Variants in ARHGEF7 observed in about 807,000 individuals in gnomAD.
ARHGEF7 encodes the protein PAK-interacting exchange factor beta.
Under a neutral mutation model 109.8 loss-of-function variants are expected in ARHGEF7, and 33 were observed. The ratio of observed to expected loss-of-function variants is 0.30; its 90% CI spans 0.23 to 0.40. The LOEUF is 0.40. Ranked by LOEUF, ARHGEF7 falls within the 10% of genes least tolerant of loss-of-function variation. The pLI is 1.00. For missense variants in ARHGEF7, 938 were observed against 1,098.5 expected, an observed-to-expected ratio of 0.85 and a Z score of 2.07; for synonymous variants, 458 against 424.6, an observed-to-expected ratio of 1.08 and a Z score of -0.97.
In ARHGEF7 at chr13:111,292,103, G is replaced by A. The variant is rs375343325; in HGVS notation, c.2135-15G>A. 1.9e-5 allele frequency: 31 copies of A among 1,608,256 alleles called. No homozygotes were observed. The African/African-American group carries it at 2.9e-4, about 15-fold the overall frequency. The stretch of plus-strand genomic sequence containing the variant: ...CCCTGCCTGTCGCGCCTGTCCCTCC[G>A]CCCGCCCGTCTTAGCATGGCAAGGC... On this transcript the variant is annotated splice_polypyrimidine_tract_variant and intron_variant, in intron 18 of 21. Transcript: ENST00000646102.
intron 4 of ARHGEF7, among the ~76,000 whole-genome samples, chr13:111,216,456 G>A (rs1210305223): frequency 6.6e-6 from 1 of 152,040 alleles, no homozygotes; most frequent in African/African-American, 2.4e-5. Flanking sequence ...TGTCACTGGT[G>A]GGGATAGAGG....
chr13:111,241,255 AGCTGTGGCGTCCAG>A (rs2153540699), intron 6 of ARHGEF7: 2 of 1,536,072 alleles, frequency 1.3e-6, no homozygotes, highest in South Asian at 2.4e-5. Context: ...GGTGGGATGG[AGCTGTGGCGTCCAG>A]GCTGTGAGGT....
At position 111,300,827 on chromosome 13, in the gene ARHGEF7, T is replaced by A; in HGVS notation, c.2391T>A (p.Gly797=). ...KIIVEETKSN[G]QTVIEEKSLV... is the part of the protein sequence containing the mutation. ...TAGTGGAAGAAACTAAAAGTAATGG[T>A]CAGACAGTGATAGAAGAAAAGTAAG... is the stretch of plus-strand genomic sequence containing the variant. The change falls in exon 20 of 22, where the codon GGT becomes GGA. Residue 797 remains glycine, a synonymous_variant. Transcript: ENST00000646102. 3 of 1,604,652 alleles carry A rather than the reference T, an allele frequency of 1.9e-6. No individual in the cohort carries two copies. Among genetic ancestry groups the A allele is most frequent in the Non-Finnish European group, 2.6e-6 (3 of 1,174,068 alleles).
intron 1 of ARHGEF7, among the ~76,000 whole-genome samples, chr13:111,149,148 G>A (rs184815692): frequency 1.3e-5 from 2 of 151,810 alleles, no homozygotes; most frequent in Admixed American, 6.6e-5. Flanking sequence ...GATGGCTCAC[G>A]CCTGTAATCC....
chr13:111,140,009 T>G (rs1470655920), intron 1 of ARHGEF7, among the ~76,000 whole-genome samples: 4 of 152,270 alleles, frequency 2.6e-5, no homozygotes, highest in South Asian at 2.1e-4. Flanking sequence ...GTTCCTGTCT[T>G]AAACATCCAA....
intron 16 of ARHGEF7, 33 bp from the exon 17 acceptor site, chr13:111,286,114 A>C (rs753216774): frequency 1.7e-5 from 27 of 1,544,726 alleles, no homozygotes; most frequent in Non-Finnish European, 1.5e-5. Flanking sequence ...TTGGCTTTAG[A>C]GTATGTTAGC....
At chr13:111,287,693 G>A (rs552032890) in intron 17 of ARHGEF7, among the ~76,000 whole-genome samples, 14 of 152,002 alleles carry the variant, frequency 9.2e-5, no homozygotes, top group African/African-American at 3.4e-4. Flanking sequence ...CTCCAGGCCT[G>A]GTTGCAGAGA....
At chr13:111,248,539 T>A (rs2089274752) in intron 8 of ARHGEF7, among the ~76,000 whole-genome samples, 1 of 152,208 alleles carries the variant, frequency 6.6e-6, no homozygotes, top group Non-Finnish European at 1.5e-5. Context: ...CTGGATTTGC[T>A]CGTTGCTTTC....
At chr13:111,203,616 CT>C (rs1438209726) in intron 2 of ARHGEF7, among the ~76,000 whole-genome samples, 3 of 152,222 alleles carry the variant, frequency 2.0e-5, no homozygotes, top group Non-Finnish European at 2.9e-5. Flanking sequence ...TCCTTGTGAA[CT>C]TTAAGAAAGT....
chr13:111,158,597 G>C (rs957738409), intron 2 of ARHGEF7, among the ~76,000 whole-genome samples: 1 of 152,198 alleles, frequency 6.6e-6, no homozygotes, highest in Non-Finnish European at 1.5e-5. Flanking sequence ...ACAGAAATCT[G>C]CTCTTTTCTC....
chr13:111,115,892 G>A lies in ARHGEF7; in HGVS notation c.165+201G>A, dbSNP rs1594750694. The stretch of plus-strand genomic sequence containing the variant: ...GTGTGCGGGGCAGGGGGAGGGGGCC[G>A]GGGAGCGGGGTCGGGGGGAGGGGCG... On this transcript the variant is annotated intron_variant, in intron 1 of 21. Coordinates refer to ENST00000646102, the MANE Select transcript of ARHGEF7 (RefSeq NM_001354046.2). 4.0e-5 allele frequency among the ~76,000 whole-genome samples: 6 copies of A among 150,362 alleles called. No individual in the cohort carries two copies. In the South Asian group the frequency reaches 1.3e-3, roughly 31 times the overall value.
At chr13:111,294,707 C>G in intron 19 of ARHGEF7, 2 of 985,440 alleles carry the variant, frequency 2.0e-6, no homozygotes, top group African/African-American at 3.5e-5. Flanking sequence ...ATTGTTTCTA[C>G]TTTTGTGGGA....
rs537298527 is a variant in ARHGEF7 at position 111,150,753 on chromosome 13, G to C, written c.166-3152G>C. 5.3e-5 allele frequency among the ~76,000 whole-genome samples: 8 copies of C among 152,326 alleles called. No individual in the cohort carries two copies. The South Asian group carries it at 1.7e-3, about 32-fold the overall frequency. On this transcript the variant is annotated intron_variant, in intron 1 of 21. Transcript: ENST00000646102. Reference sequence around the variant, plus strand: ...AAAGTTCCCTCGTGTAGTGTGCCTTGAAAGTTTGTATTATGCCCTGAGGGG... The same window carrying C: ...AAAGTTCCCTCGTGTAGTGTGCCTTCAAAGTTTGTATTATGCCCTGAGGGG...
chr13:111,122,672 T>C, intron 1 of ARHGEF7: 1 of 152,262 alleles, frequency 6.6e-6, no homozygotes, highest in South Asian at 2.1e-4. Flanking sequence ...GTGTGCGTGC[T>C]AGTGACCCAA....
intron 2 of ARHGEF7, among the ~76,000 whole-genome samples, chr13:111,174,813 C>A (rs1594290835): frequency 6.6e-6 from 1 of 152,054 alleles, no homozygotes; most frequent in Non-Finnish European, 1.5e-5. Context: ...GAGGTCCTTG[C>A]AGCTCCTAGG....
rs933618757 is a variant in ARHGEF7 at position 111,283,383 on chromosome 13, C to T, written c.1950+20C>T. 1 of 1,537,898 alleles carries T rather than the reference C, an allele frequency of 6.5e-7. No homozygotes were observed. Among genetic ancestry groups the T allele is most frequent in the African/African-American group, 1.4e-5 (1 of 73,158 alleles). On this transcript the variant is annotated intron_variant, in intron 16 of 21. Transcript: ENST00000646102. ...AAGGAGGTGAGGTCCCTTGACCACT[C>T]AAACAGCCAGATGACGGTGAGCATG...
At chr13:111,196,263 A>G (rs1372694971) in intron 2 of ARHGEF7, among the ~76,000 whole-genome samples, 1 of 152,192 alleles carries the variant, frequency 6.6e-6, no homozygotes, top group East Asian at 1.9e-4. Flanking sequence ...ATCTGAGTTG[A>G]GTCCCAGTGG....
rs138579263 is a variant in ARHGEF7 at position 111,124,951 on chromosome 13, G to T, written c.165+9260G>T. On this transcript the variant is annotated intron_variant, in intron 1 of 21. Transcript: ENST00000646102. ...ATTTTTGTATTTTTAGTAGAGACAGGGTTTCACCATGTTGGCCAGGCTGGT... is the reference window on the plus strand; with the variant it reads ...ATTTTTGTATTTTTAGTAGAGACAGTGTTTCACCATGTTGGCCAGGCTGGT... Among the ~76,000 whole-genome samples, 381 of 152,250 alleles carry T rather than the reference G, an allele frequency of 2.5e-3. 8 individuals are homozygous for T. The East Asian group carries it at 0.042, about 17-fold the overall frequency.
intron 5 of ARHGEF7, among the ~76,000 whole-genome samples, chr13:111,222,740 T>C (rs1263576657): frequency 2.0e-5 from 3 of 152,254 alleles, no homozygotes; most frequent in Non-Finnish European, 4.4e-5. Flanking sequence ...AGTCTGAGTT[T>C]AACCGTGGGC....
Sources: allele counts gnomAD v4.1 joint callset (sites outside exome capture counted in the v4.1 genomes callset), GRCh38; gene constraint gnomAD v4.1.1; transcripts MANE v1.5; gene names NCBI Gene and HGNC (gene_info 2026-07-23, HGNC 2026-07-21).